The following TPM1 variants were observed in gnomAD, a reference collection of about 807,000 sequenced individuals.
TPM1 encodes the protein tropomyosin 1.
A neutral mutation model predicts 42.9 loss-of-function variants in TPM1; 24 were observed. The observed-to-expected ratio is 0.56, with a 90% CI of 0.41 to 0.79. TPM1 has a LOEUF of 0.79. TPM1 is among the 30% of genes least tolerant of loss of function. The probability of loss-of-function intolerance (pLI) is 0.00; values close to 1 mark genes in which losing one functional copy is unlikely to be tolerated. For missense variants in TPM1, 158 were observed against 351.8 expected (o/e 0.45, Z 4.41); for synonymous variants, 136 against 130.1 (o/e 1.05, Z -0.31).
intron 9 of TPM1, chr15:63,064,736 C>T (rs1045663984): frequency 3.4e-6 from 3 of 885,298 alleles, no homozygotes; most frequent in Non-Finnish European, 2.7e-6. Context: ...GAGGCCGAGG[C>T]GGGCGGATCA....
intron 9 of TPM1, 116 bp from the exon 10 acceptor site, chr15:63,065,780 A>C: frequency 7.1e-7 from 1 of 1,403,250 alleles, no homozygotes; most frequent in South Asian, 1.3e-5. Context: ...GGTTTGCATG[A>C]CTGCTTCTTG....
intron 6 of TPM1, 127 bp from the exon 7 acceptor site, chr15:63,062,088 T>G: frequency 2.4e-6 from 2 of 832,410 alleles, no homozygotes; most frequent in Non-Finnish European, 4.1e-6. Flanking sequence ...CCATTTGATA[T>G]CAGAGGTTCC....
At chr15:63,054,408 C>T (rs967385235) in intron 2 of TPM1, 2 of 152,180 alleles carry the variant, frequency 1.3e-5, no homozygotes, top group African/African-American at 4.8e-5. Context: ...GGAGGGAAGA[C>T]ACGGATGGAT....
At chr15:63,053,890 C>G (rs1377335290) in intron 2 of TPM1, among the ~76,000 whole-genome samples, 3 of 151,940 alleles carry the variant, frequency 2.0e-5, no homozygotes, top group African/African-American at 7.3e-5. Flanking sequence ...CCATGTTGGT[C>G]AGGCTGGTCT....
downstream of TPM1, chr15:63,070,044 G>C: frequency 6.3e-7 from 1 of 1,579,584 alleles, no homozygotes; most frequent in Non-Finnish European, 8.6e-7. Context: ...GAAAACAGTT[G>C]CTTTCTGCAG....
chr15:63,060,744 G>C (rs1566963866), intron 4 of TPM1, 125 bp from the exon 5 acceptor site: 11 of 1,034,900 alleles, frequency 1.1e-5, no homozygotes, highest in African/African-American at 1.6e-5. Context: ...CTACCAGAAA[G>C]AGGATCATAT....
In TPM1 at chr15:63,064,189, A is replaced by G. The variant is rs1273037997; in HGVS notation, c.851+47A>G. 4 of 1,596,930 alleles carry G rather than the reference A, an allele frequency of 2.5e-6. No homozygotes were observed. The South Asian group carries it at 3.4e-5, about 14-fold the overall frequency. On this transcript the variant is annotated intron_variant, in intron 9 of 9. Transcript: ENST00000403994. ...CTGCTTACACCCTGCCCTCATGCTAATGTAATAAACTCACCACCATGCCTT... is the reference window on the plus strand; with the variant it reads ...CTGCTTACACCCTGCCCTCATGCTAGTGTAATAAACTCACCACCATGCCTT...
chr15:63,055,158 G>A (rs951896928), intron 2 of TPM1, among the ~76,000 whole-genome samples: 1 of 152,118 alleles, frequency 6.6e-6, no homozygotes, highest in Admixed American at 6.5e-5. Flanking sequence ...TTCCTAGCTG[G>A]GTCCATTTAC....
At position 63,066,060 on chromosome 15, in the gene TPM1, T is replaced by C; in HGVS notation, c.*161T>C. The stretch of plus-strand genomic sequence containing the variant: ...GTGCTTTCTATTGTACAGAAGCTCT[T>C]CGTTTCAGTGTCAAATAAACACTGT... On this transcript the variant is annotated 3_prime_UTR_variant, in exon 10 of 10. Transcript: ENST00000403994. 6.5e-7 allele frequency: 1 copy of C among 1,538,018 alleles called. No individual in the cohort carries two copies. The highest frequency in any genetic ancestry group is 8.7e-7 in the Non-Finnish European group (1 of 1,145,834).
chr15:63,061,148 G>C lies in TPM1; in HGVS notation c.563+209G>C, dbSNP rs747849938. On this transcript the variant is annotated intron_variant, in intron 5 of 9. Transcript: ENST00000403994. ...GCGTGTATCACTGCATGCCTTACCT[G>C]CACACTGATTTTGTGAATGGCCTTG... 5 of 1,589,284 alleles carry C rather than the reference G, an allele frequency of 3.1e-6. No individual in the cohort carries two copies. The African/African-American group carries it at 6.7e-5, about 21-fold the overall frequency.
chr15:63,065,865 T>C, intron 9 of TPM1, 31 bp from the exon 10 acceptor site: 1 of 1,605,782 alleles, frequency 6.2e-7, no homozygotes, highest in Non-Finnish European at 8.5e-7. Context: ...TGCCACTTTT[T>C]TTTTCCTCCC....
chr15:63,056,767 A>T (rs2034863056), intron 2 of TPM1: 1 of 628,506 alleles, frequency 1.6e-6, no homozygotes, highest in Non-Finnish European at 2.9e-6. Flanking sequence ...TTGTGTGTAT[A>T]GATTTGTGTA....
At chr15:63,055,002 A>G (rs1211314433) in intron 2 of TPM1, among the ~76,000 whole-genome samples, 2 of 149,552 alleles carry the variant, frequency 1.3e-5, no homozygotes, top group African/African-American at 4.9e-5. Flanking sequence ...TATCCTTAAT[A>G]TATACATCCT....
intron 2 of TPM1, chr15:63,048,828 G>A: frequency 7.7e-7 from 1 of 1,292,234 alleles, no homozygotes; most frequent in Non-Finnish European, 1.1e-6. Flanking sequence ...CCTCCAGGGC[G>A]CACCTGGCGC....
exon 9 of TPM1, chr15:63,071,518 C>T: frequency 2.8e-6 from 1 of 357,758 alleles, no homozygotes; most frequent in East Asian, 7.2e-5. Context: ...GAAACACAAT[C>T]AGGTGTGGAT....
intron 2 of TPM1, among the ~76,000 whole-genome samples, chr15:63,051,188 G>A (rs1027315785): frequency 2.6e-5 from 4 of 152,190 alleles, no homozygotes; most frequent in Non-Finnish European, 5.9e-5. Flanking sequence ...AGGAGACAGG[G>A]AGTTGTGGCC....
intron 3 of TPM1, among the ~76,000 whole-genome samples, chr15:63,057,796 A>G (rs547619360): frequency 6.6e-6 from 1 of 152,304 alleles, no homozygotes; most frequent in African/African-American, 2.4e-5. Context: ...TCTAAAAGGC[A>G]TTTTCCCTTA....
Position 63,042,754 on chromosome 15 carries a change from C to A in TPM1, c.-76C>A, listed in dbSNP as rs2031404828. The A allele has an allele frequency of 2.4e-6, 3 of 1,261,280 alleles. No individual in the cohort carries two copies. The highest frequency in any genetic ancestry group is 3.4e-6 in the Non-Finnish European group (3 of 875,806). 78.1% of individuals were successfully genotyped at this position (1,261,280 alleles called of 1,614,324 possible). ...AGAAGCAGGCGGCTCCGCGCTCGCA[C>A]TCCCGCTCCTCCGCCCGACCGCGCG... On this transcript the variant is annotated 5_prime_UTR_variant, in exon 1 of 10. Transcript: ENST00000403994.
chr15:63,065,440 CCA>C (rs1217722352), intron 9 of TPM1: 1 of 985,288 alleles, frequency 1.0e-6, no homozygotes, highest in East Asian at 1.1e-4. Context: ...TATAGAATCC[CCA>C]CAGTCAACAA....
Sources: allele counts gnomAD v4.1 joint callset (sites outside exome capture counted in the v4.1 genomes callset), GRCh38; gene constraint gnomAD v4.1.1; transcripts MANE v1.5; gene names NCBI Gene and HGNC (gene_info 2026-07-23, HGNC 2026-07-21).